The following KCTD16 variants were observed in gnomAD, a reference collection of about 807,000 sequenced individuals.
KCTD16 encodes the protein BTB/POZ domain-containing protein KCTD16.
Under a neutral mutation model 33.2 loss-of-function variants are expected in KCTD16, and 13 were observed. That is an observed-to-expected ratio of 0.39 (90% CI 0.25 to 0.62). KCTD16 has a LOEUF of 0.62. Ranked by LOEUF, KCTD16 falls within the 20% of genes least tolerant of loss-of-function variation. KCTD16 has a pLI of 0.50. For missense variants in KCTD16, 441 were observed against 525.1 expected, an observed-to-expected ratio of 0.84 and a Z score of 1.57; for synonymous variants, 197 against 195.3, an observed-to-expected ratio of 1.01 and a Z score of -0.07.
At chr5:144,360,730 A>C (rs900771229) in intron 3 of KCTD16, among the ~76,000 whole-genome samples, 8 of 152,036 alleles carry the variant, frequency 5.3e-5, no homozygotes, top group African/African-American at 9.7e-5. Context: ...GCGCCCAGCC[A>C]AACTCATCCT....
In KCTD16 at chr5:144,229,948, C is replaced by T. The variant is rs75482504; in HGVS notation, c.832+22402C>T. On this transcript the variant is annotated intron_variant, in intron 3 of 3. Coordinates refer to ENST00000512467, the MANE Select transcript of KCTD16 (RefSeq NM_020768.4). ...CTTGAGGCCAGTAGTTTGAAACCAGCGTGGCCAACATGGTGAAACCATATC... is the reference window on the plus strand; with the variant it reads ...CTTGAGGCCAGTAGTTTGAAACCAGTGTGGCCAACATGGTGAAACCATATC... 1.9e-3 allele frequency among the ~76,000 whole-genome samples: 289 copies of T among 152,182 alleles called. 2 individuals carry two copies. The highest frequency in any genetic ancestry group is 6.4e-3 in the African/African-American group (267 of 41,520).
At chr5:144,469,681 A>G (rs1400996369) in intron 3 of KCTD16, among the ~76,000 whole-genome samples, 1 of 152,076 alleles carries the variant, frequency 6.6e-6, no homozygotes, top group Non-Finnish European at 1.5e-5. Flanking sequence ...GAGTTGAAGT[A>G]ATTTATGTAA....
intron 3 of KCTD16, among the ~76,000 whole-genome samples, chr5:144,368,316 C>T (rs1751885532): frequency 6.6e-6 from 1 of 151,988 alleles, no homozygotes; most frequent in South Asian, 2.1e-4. Flanking sequence ...AGCATAATTA[C>T]ATAAGCCCTT....
chr5:144,388,814 G>A (rs958886539), intron 3 of KCTD16, among the ~76,000 whole-genome samples: 4 of 152,130 alleles, frequency 2.6e-5, no homozygotes, highest in African/African-American at 2.4e-5. Flanking sequence ...CACACTACTC[G>A]AGACACAGAA....
At chr5:144,456,309 A>C (rs1192602042) in intron 3 of KCTD16, among the ~76,000 whole-genome samples, 1 of 152,188 alleles carries the variant, frequency 6.6e-6, no homozygotes, top group East Asian at 1.9e-4. Flanking sequence ...TTAATTTAAA[A>C]GAAAATATTA....
chr5:144,430,618 G>T (rs192487934), intron 3 of KCTD16, among the ~76,000 whole-genome samples: 335 of 152,256 alleles, frequency 2.2e-3, no homozygotes, highest in Non-Finnish European at 4.1e-3. Flanking sequence ...AGTGAGAAGG[G>T]TTGTGTCTGG....
chr5:144,304,977 C>CTTTTTTTTT (rs146638360), intron 3 of KCTD16, among the ~76,000 whole-genome samples: 2 of 83,410 alleles, frequency 2.4e-5, no homozygotes, highest in Admixed American at 1.3e-4. Context: ...ATATCAAAAT[C>CTTTTTTTTT]TTTTTTTTTT....
At chr5:144,243,371 T>C (rs1312905598) in intron 3 of KCTD16, among the ~76,000 whole-genome samples, 2 of 152,234 alleles carry the variant, frequency 1.3e-5, no homozygotes, top group Non-Finnish European at 2.9e-5. Context: ...GTTGTGCTCC[T>C]CCTCAAGGGG....
At chr5:144,297,829 G>A (rs1191421296) in intron 3 of KCTD16, among the ~76,000 whole-genome samples, 1 of 152,228 alleles carries the variant, frequency 6.6e-6, no homozygotes, top group African/African-American at 2.4e-5. Flanking sequence ...ATTCGAGCCG[G>A]CAACGGCTAC....
chr5:144,334,644 T>C (rs1250490583), intron 3 of KCTD16, among the ~76,000 whole-genome samples: 4 of 152,194 alleles, frequency 2.6e-5, no homozygotes, highest in Non-Finnish European at 4.4e-5. Context: ...TGGAAATTAA[T>C]ATTTTTCTTG....
intron 3 of KCTD16, among the ~76,000 whole-genome samples, chr5:144,410,290 T>C (rs1411407872): frequency 6.6e-6 from 1 of 152,174 alleles, no homozygotes; most frequent in Non-Finnish European, 1.5e-5. Context: ...GGATACATTG[T>C]TTGGTTTATG....
chr5:144,357,808 A>G (rs763453588), intron 3 of KCTD16, among the ~76,000 whole-genome samples: 29 of 152,116 alleles, frequency 1.9e-4, no homozygotes, highest in Non-Finnish European at 3.7e-4. Flanking sequence ...TAGGAAAGGT[A>G]TTATTTTCTA....
intron 3 of KCTD16, among the ~76,000 whole-genome samples, chr5:144,421,572 AG>A (rs1372863935): frequency 6.6e-6 from 1 of 152,172 alleles, no homozygotes; most frequent in Non-Finnish European, 1.5e-5. Context: ...AGAGTGACTC[AG>A]TGCTGAAGGA....
chr5:144,171,828 A>C (rs1446298109), intron 1 of KCTD16, among the ~76,000 whole-genome samples: 3 of 152,332 alleles, frequency 2.0e-5, no homozygotes, highest in Non-Finnish European at 4.4e-5. Context: ...TTGTGAACTG[A>C]TGAGTGATGT....
chr5:144,469,515 A>G (rs1445829722), intron 3 of KCTD16, among the ~76,000 whole-genome samples: 1 of 152,248 alleles, frequency 6.6e-6, no homozygotes, highest in Non-Finnish European at 1.5e-5. Context: ...TCAGCATTGT[A>G]GTAAAACAAA....
At chr5:144,212,858 A>G (rs559903687) in intron 3 of KCTD16, among the ~76,000 whole-genome samples, 3 of 152,256 alleles carry the variant, frequency 2.0e-5, no homozygotes, top group Admixed American at 1.3e-4. Context: ...TCATGTAACC[A>G]TCACCCATCT....
At chr5:144,192,057 A>G (rs1353196714) in intron 2 of KCTD16, among the ~76,000 whole-genome samples, 1 of 152,102 alleles carries the variant, frequency 6.6e-6, no homozygotes, top group Non-Finnish European at 1.5e-5. Flanking sequence ...AAGTTGGTGG[A>G]CCAAAGGGGG....
rs560930016 is a variant in KCTD16, at chr5:144,278,545, C to T, written c.832+70999C>T. 4.9e-3 allele frequency among the ~76,000 whole-genome samples: 652 copies of T among 133,546 alleles called. 8 individuals are homozygous for T. The highest frequency in any genetic ancestry group is 0.018 in the African/African-American group (616 of 34,556). The allele number at this position is 133,546 out of a possible 152,430, so 87.6% of individuals were successfully genotyped here. On this transcript the variant is annotated intron_variant, in intron 3 of 3. Transcript: ENST00000512467. ...TCGCTCTGTCGCCCAGGCCGGACTG[C>T]GGACTGCAGTGGCGCAATCTTGGCT...
In KCTD16 at chr5:144,239,401, C is replaced by G. The variant is rs1042354390; in HGVS notation, c.832+31855C>G. 8.5e-5 allele frequency among the ~76,000 whole-genome samples: 13 copies of G among 152,070 alleles called. 1 individual carries two copies. The highest frequency in any genetic ancestry group is 3.2e-3 in the Middle Eastern group (1 of 316). On this transcript the variant is annotated intron_variant, in intron 3 of 3. Coordinates refer to ENST00000512467, the MANE Select transcript of KCTD16 (RefSeq NM_020768.4). ...GCTTTATTTTAAATTGTCTTCTTTA[C>G]AAGACAAAAACCACATTACATAGGC...
Sources: allele counts gnomAD v4.1 joint callset (sites outside exome capture counted in the v4.1 genomes callset), GRCh38; gene constraint gnomAD v4.1.1; transcripts MANE v1.5; gene names NCBI Gene and HGNC (gene_info 2026-07-23, HGNC 2026-07-21).